Variants in ARK2C observed in about 807,000 individuals in gnomAD.
ARK2C encodes the protein arkadia (RNF111) C-terminal like ring finger ubiquitin ligase 2C, also known as E3 ubiquitin-protein ligase ARK2C.
the ARK2C span, among the ~76,000 whole-genome samples, chr18:46,398,783 T>A: frequency 6.6e-6 from 1 of 152,048 alleles, no homozygotes; most frequent in African/African-American, 2.4e-5. Flanking sequence ...TCCTCCCTCA[T>A]GGCTCAGTGC....
At chr18:46,337,015 G>T in the ARK2C span, 1 of 985,414 alleles carries the variant, frequency 1.0e-6, no homozygotes, top group Non-Finnish European at 1.2e-6. Flanking sequence ...AATGTCAAGA[G>T]CATCTTTGGA....
the ARK2C span, among the ~76,000 whole-genome samples, chr18:46,392,858 C>G: frequency 6.6e-6 from 1 of 152,184 alleles, no homozygotes; most frequent in Non-Finnish European, 1.5e-5. Context: ...TTGGACCCTT[C>G]AGTGAGATGA....
the ARK2C span, among the ~76,000 whole-genome samples, chr18:46,418,588 T>C: frequency 6.6e-6 from 1 of 152,238 alleles, no homozygotes; most frequent in African/African-American, 2.4e-5. Context: ...CAGAACTAGA[T>C]TGCAGTTCCA....
the ARK2C span, among the ~76,000 whole-genome samples, chr18:46,355,984 C>T: frequency 6.6e-6 from 1 of 152,138 alleles, no homozygotes; most frequent in Non-Finnish European, 1.5e-5. Context: ...GGCTGCTGGG[C>T]CAAGCCACCC....
At chr18:46,451,786 C>T in the ARK2C span, among the ~76,000 whole-genome samples, 2 of 152,116 alleles carry the variant, frequency 1.3e-5, no homozygotes, top group Non-Finnish European at 2.9e-5. Flanking sequence ...GCCTGGACAA[C>T]AGAGCAAGAC....
chr18:46,429,819 C>A, the ARK2C span, among the ~76,000 whole-genome samples: 1 of 152,078 alleles, frequency 6.6e-6, no homozygotes, highest in East Asian at 1.9e-4. Flanking sequence ...GTTGTCCAGG[C>A]TGGTCTTGAA....
At chr18:46,373,927 C>A in the ARK2C span, among the ~76,000 whole-genome samples, 11 of 152,116 alleles carry the variant, frequency 7.2e-5, no homozygotes, top group African/African-American at 2.7e-4. Context: ...TTCCCAGAAG[C>A]AGATGGACAG....
chr18:46,440,144 C>T, the ARK2C span, among the ~76,000 whole-genome samples: 1 of 152,162 alleles, frequency 6.6e-6, no homozygotes, highest in South Asian at 2.1e-4. Flanking sequence ...GCCAGTTTTA[C>T]TCATCTTTGT....
At chr18:46,409,857 G>T in the ARK2C span, among the ~76,000 whole-genome samples, 1 of 152,138 alleles carries the variant, frequency 6.6e-6, no homozygotes. Flanking sequence ...TCCTATTGAT[G>T]GACATTTCGT....
the ARK2C span, among the ~76,000 whole-genome samples, chr18:46,429,274 A>G: frequency 1.3e-5 from 2 of 152,214 alleles, no homozygotes; most frequent in African/African-American, 4.8e-5. Context: ...GATCAGTGAC[A>G]TGCACGTAAT....
At chr18:46,400,244 C>G in the ARK2C span, among the ~76,000 whole-genome samples, 3 of 152,222 alleles carry the variant, frequency 2.0e-5, no homozygotes, top group Non-Finnish European at 4.4e-5. Context: ...GAGCCTTTCA[C>G]CCTGGCCATG....
chr18:46,414,267 G>A, the ARK2C span, among the ~76,000 whole-genome samples: 2 of 152,230 alleles, frequency 1.3e-5, no homozygotes, highest in Non-Finnish European at 2.9e-5. Flanking sequence ...TCTTCCTTAA[G>A]GGAAACTGCT....
chr18:46,360,819 C>T, the ARK2C span, among the ~76,000 whole-genome samples: 1 of 152,190 alleles, frequency 6.6e-6, no homozygotes, highest in Admixed American at 6.5e-5. Context: ...GGTCACAGGG[C>T]CCACCTAAAC....
chr18:46,417,258 T>C, the ARK2C span, among the ~76,000 whole-genome samples: 3 of 152,352 alleles, frequency 2.0e-5, no homozygotes, highest in East Asian at 5.8e-4. Flanking sequence ...CAGCCTATTC[T>C]ATTCAGCAGC....
At chr18:46,453,673 T>G in the ARK2C span, among the ~76,000 whole-genome samples, 1 of 151,614 alleles carries the variant, frequency 6.6e-6, no homozygotes, top group Non-Finnish European at 1.5e-5. Flanking sequence ...AAATTTAAAT[T>G]GAGAGTATAA....
the ARK2C span, among the ~76,000 whole-genome samples, chr18:46,356,531 T>A: frequency 1.3e-5 from 2 of 152,136 alleles, no homozygotes; most frequent in African/African-American, 4.8e-5. Flanking sequence ...CAGGGGTTGA[T>A]TCTTGCCTCT....
the ARK2C span, among the ~76,000 whole-genome samples, chr18:46,400,518 G>A: frequency 6.6e-6 from 1 of 152,172 alleles, no homozygotes; most frequent in Non-Finnish European, 1.5e-5. Context: ...TGTGTGACCT[G>A]CCACCATCCT....
At chr18:46,448,948 C>A in the ARK2C span, among the ~76,000 whole-genome samples, 1 of 152,126 alleles carries the variant, frequency 6.6e-6, no homozygotes, top group African/African-American at 2.4e-5. Context: ...TAATAAGGAG[C>A]TTGCATGAGT....
the ARK2C span, among the ~76,000 whole-genome samples, chr18:46,350,003 A>C: frequency 6.6e-6 from 1 of 152,244 alleles, no homozygotes; most frequent in African/African-American, 2.4e-5. Flanking sequence ...TATACAGTAC[A>C]TATACACACC....
Sources: gnomAD v4.1 joint callset for allele counts (sites outside exome capture counted in the v4.1 genomes callset) on GRCh38, gnomAD v4.1.1 for gene constraint, MANE v1.5 for transcripts, NCBI Gene and HGNC (gene_info 2026-07-23, HGNC 2026-07-21) for gene names.